Variants in NPAS3 observed in about 807,000 individuals in gnomAD.
The protein encoded by NPAS3 is neuronal PAS domain protein 3.
In NPAS3, 14 loss-of-function variants were observed where a neutral mutation model predicts 73.1. The ratio of observed to expected loss-of-function variants is 0.19; its 90% CI spans 0.13 to 0.30. NPAS3 has a LOEUF of 0.30. NPAS3 is among the 10% of genes least tolerant of loss of function. NPAS3 has a pLI of 1.00. For missense variants in NPAS3, 1,096 were observed against 1,250.0 expected (o/e 0.88, Z 1.86); for synonymous variants, 620 against 541.5 (o/e 1.14, Z -2.01).
intron 4 of NPAS3, among the ~76,000 whole-genome samples, chr14:33,489,687 G>A (rs1171897273): frequency 6.6e-6 from 1 of 152,050 alleles, no homozygotes; most frequent in East Asian, 1.9e-4. Flanking sequence ...CTACATTTTG[G>A]CAGATATGAA....
intron 2 of NPAS3, among the ~76,000 whole-genome samples, chr14:33,069,202 T>G (rs75330398): frequency 0.038 from 5,833 of 152,272 alleles, 158 homozygotes; most frequent in South Asian, 0.059. Context: ...GATTAAATAC[T>G]AATGTATCAT....
intron 3 of NPAS3, among the ~76,000 whole-genome samples, chr14:33,340,670 T>G (rs1022067998): frequency 2.3e-4 from 35 of 152,304 alleles, no homozygotes; most frequent in Non-Finnish European, 4.1e-4. Context: ...AAGTTCTAAA[T>G]TTTTCATCCT....
At chr14:33,561,109 A>T (rs2055626704) in intron 5 of NPAS3, among the ~76,000 whole-genome samples, 2 of 152,148 alleles carry the variant, frequency 1.3e-5, no homozygotes, top group Admixed American at 6.5e-5. Flanking sequence ...TAATCTGCCA[A>T]GTTGGATAAT....
chr14:33,769,745 A>ATTTTTT (rs5807743), intron 7 of NPAS3, among the ~76,000 whole-genome samples: 20 of 103,316 alleles, frequency 1.9e-4, no homozygotes, highest in South Asian at 3.2e-4. Context: ...AAAGACTTGG[A>ATTTTTT]TTTTTTTTTT....
chr14:33,544,804 A>AAT (rs2054725842), intron 4 of NPAS3, among the ~76,000 whole-genome samples: 1 of 78,742 alleles, frequency 1.3e-5, no homozygotes, highest in Non-Finnish European at 2.3e-5. Flanking sequence ...ATATATATAT[A>AAT]TATATATGTA....
intron 9 of NPAS3, chr14:33,780,760 A>G (rs2062955095): frequency 2.5e-6 from 1 of 393,186 alleles, no homozygotes. Context: ...TTCCGTACCC[A>G]GAATAATTTG....
intron 5 of NPAS3, among the ~76,000 whole-genome samples, chr14:33,650,871 G>A (rs1318797233): frequency 1.3e-5 from 2 of 152,202 alleles, no homozygotes; most frequent in South Asian, 4.1e-4. Flanking sequence ...GCAGGAGCAG[G>A]AGCAGGACCC....
chr14:33,438,516 G>T (rs773105718), intron 4 of NPAS3, among the ~76,000 whole-genome samples: 13 of 152,220 alleles, frequency 8.5e-5, no homozygotes, highest in Non-Finnish European at 1.5e-4. Flanking sequence ...CAGAGACAAG[G>T]AGGGTATTAC....
rs556447974 is a variant in NPAS3, at chr14:33,432,195, A to G, written c.468+64927A>G. Among the ~76,000 whole-genome samples, 6 of 152,276 alleles carry G rather than the reference A, an allele frequency of 3.9e-5. No individual in the cohort carries two copies. The South Asian group carries it at 1.2e-3, about 32-fold the overall frequency. On this transcript the variant is annotated intron_variant, in intron 4 of 11. Transcript: ENST00000356141. ...TCTTTCATTGTCAACTGTAGTTTCT[A>G]ATAAAAGGAGCGAGTTTGTACAGTC...
chr14:33,669,189 TTTAAGACTG>T (rs2059540831), intron 5 of NPAS3, among the ~76,000 whole-genome samples: 1 of 152,222 alleles, frequency 6.6e-6, no homozygotes, highest in South Asian at 2.1e-4. Flanking sequence ...TTCAGTTACT[TTTAAGACTG>T]TTAATGTTTC....
chr14:33,171,946 TA>T (rs1387383150), intron 2 of NPAS3, among the ~76,000 whole-genome samples: 1 of 152,094 alleles, frequency 6.6e-6, no homozygotes, highest in African/African-American at 2.4e-5. Flanking sequence ...TTAATATTTT[TA>T]TGTCTCATAG....
chr14:33,149,628 T>C (rs2044372749), intron 2 of NPAS3, among the ~76,000 whole-genome samples: 1 of 152,206 alleles, frequency 6.6e-6, no homozygotes, highest in Non-Finnish European at 1.5e-5. Context: ...CTTCCTTTAG[T>C]AGTGTCCTAA....
At chr14:32,948,247 A>G (rs2036343154) in intron 1 of NPAS3, among the ~76,000 whole-genome samples, 1 of 152,172 alleles carries the variant, frequency 6.6e-6, no homozygotes, top group African/African-American at 2.4e-5. Context: ...AATACTTAAA[A>G]AATTTATATT....
At chr14:33,698,977 T>A (rs1403505518) in intron 6 of NPAS3, among the ~76,000 whole-genome samples, 1 of 152,196 alleles carries the variant, frequency 6.6e-6, no homozygotes, top group Admixed American at 6.5e-5. Flanking sequence ...CTGTCATTTA[T>A]GTACCAAGTG....
chr14:33,434,281 C>G (rs2048895002), intron 4 of NPAS3, among the ~76,000 whole-genome samples: 1 of 152,102 alleles, frequency 6.6e-6, no homozygotes, highest in Admixed American at 6.5e-5. Context: ...AATCCCAGCA[C>G]TTTGGGAGGC....
At position 33,331,550 on chromosome 14, in the gene NPAS3, G is replaced by T. The variant is rs117654060; in HGVS notation, c.386-35636G>T. On this transcript the variant is annotated intron_variant, in intron 3 of 11. Transcript: ENST00000356141. Reference sequence around the variant, plus strand: ...TTCCTGTTGTTTATCTCCCCCCACCGCTTTTTTCTATTCCCCCTTACTGTC... The same window carrying T: ...TTCCTGTTGTTTATCTCCCCCCACCTCTTTTTTCTATTCCCCCTTACTGTC... Among the ~76,000 whole-genome samples the T allele has an allele frequency of 2.6e-3, 377 of 146,972 alleles. 2 individuals are homozygous for T. Among genetic ancestry groups the T allele is most frequent in the Non-Finnish European group, 4.4e-3 (297 of 67,090 alleles).
chr14:33,265,501 A>AT (rs34895773), intron 3 of NPAS3, among the ~76,000 whole-genome samples: 46 of 151,954 alleles, frequency 3.0e-4, no homozygotes, highest in African/African-American at 1.0e-3. Flanking sequence ...AATGCATTAC[A>AT]TTTTTTTTTC....
chr14:33,111,667 T>C (rs2042897740), intron 2 of NPAS3, among the ~76,000 whole-genome samples: 1 of 152,022 alleles, frequency 6.6e-6, no homozygotes. Context: ...TTTTTTCTTT[T>C]TTTTTTTATT....
intron 2 of NPAS3, among the ~76,000 whole-genome samples, chr14:33,079,855 G>GC (rs1472614868): frequency 6.6e-6 from 1 of 151,398 alleles, no homozygotes; most frequent in Non-Finnish European, 1.5e-5. Flanking sequence ...CCAGTGATCT[G>GC]CCCCCCTCAG....
Sources: allele counts gnomAD v4.1 joint callset (sites outside exome capture counted in the v4.1 genomes callset), GRCh38; gene constraint gnomAD v4.1.1; transcripts MANE v1.5; gene names NCBI Gene and HGNC (gene_info 2026-07-23, HGNC 2026-07-21).